The following CBLB variants were observed in gnomAD, a reference collection of about 807,000 sequenced individuals.
CBLB encodes the protein Cbl proto-oncogene B, also known as E3 ubiquitin-protein ligase CBL-B.
A neutral mutation model predicts 104.9 loss-of-function variants in CBLB; 31 were observed. The ratio of observed to expected loss-of-function variants is 0.30; its 90% CI spans 0.22 to 0.40. The LOEUF is 0.40. Ranked by LOEUF, CBLB falls within the 10% of genes least tolerant of loss-of-function variation. CBLB has a pLI of 1.00. For synonymous variants in CBLB, 440 were observed against 422.6 expected, an observed-to-expected ratio of 1.04 and a Z score of -0.51; for missense variants, 1,062 against 1,214.6, an observed-to-expected ratio of 0.87 and a Z score of 1.87.
At chr3:105,866,868 G>A (rs2092456385) in intron 2 of CBLB, among the ~76,000 whole-genome samples, 2 of 152,160 alleles carry the variant, frequency 1.3e-5, no homozygotes, top group African/African-American at 4.8e-5. Flanking sequence ...GTAGATGAAA[G>A]AAACTGTTAA....
At chr3:105,723,961 T>G (rs947027558) in intron 9 of CBLB, 3 of 156,884 alleles carry the variant, frequency 1.9e-5, no homozygotes, top group African/African-American at 7.2e-5. Context: ...ATTTTATATT[T>G]TTACTGTATG....
chr3:105,813,155 C>T (rs2084530530), intron 3 of CBLB, among the ~76,000 whole-genome samples: 1 of 152,064 alleles, frequency 6.6e-6, no homozygotes, highest in Non-Finnish European at 1.5e-5. Flanking sequence ...CATTTCCCTA[C>T]AAGAAGGAAG....
At chr3:105,746,723 A>G (rs954854719) in intron 5 of CBLB, among the ~76,000 whole-genome samples, 73 of 152,180 alleles carry the variant, frequency 4.8e-4, no homozygotes, top group Non-Finnish European at 9.4e-4. Context: ...CAACTGCTTC[A>G]TTTTACACAG....
intron 9 of CBLB, among the ~76,000 whole-genome samples, chr3:105,732,134 T>C (rs1413777009): frequency 1.3e-5 from 2 of 152,234 alleles, no homozygotes; most frequent in Admixed American, 6.5e-5. Context: ...ACACGTATCC[T>C]GAAACACTGA....
chr3:105,756,214 G>C (rs2077067852), intron 4 of CBLB, among the ~76,000 whole-genome samples: 1 of 152,054 alleles, frequency 6.6e-6, no homozygotes, highest in East Asian at 1.9e-4. Flanking sequence ...TTATGACATA[G>C]CTTTATATGT....
intron 3 of CBLB, among the ~76,000 whole-genome samples, chr3:105,845,976 A>G (rs1444303093): frequency 1.3e-5 from 2 of 152,148 alleles, no homozygotes; most frequent in Non-Finnish European, 2.9e-5. Context: ...ATACTTCTAC[A>G]TAAGAGATTG....
Position 105,670,388 on chromosome 3 carries a change from G to T in CBLB, c.2570-36C>A, listed in dbSNP as rs115456352. ...AAAACAAGTTTCAAATTAAAAGGAT[G>T]ATCTCTGTTGATTGGCTGAAGAAAA... On this transcript the variant is annotated intron_variant, in intron 17 of 18. Coordinates refer to ENST00000394030, the MANE Select transcript of CBLB (RefSeq NM_170662.5). 7.4e-4 allele frequency: 1,166 copies of T among 1,569,720 alleles called. 5 individuals are homozygous for T. The African/African-American group carries it at 0.015, about 20-fold the overall frequency.
At chr3:105,717,138 G>A (rs1275155597) in intron 10 of CBLB, among the ~76,000 whole-genome samples, 1 of 151,998 alleles carries the variant, frequency 6.6e-6, no homozygotes, top group East Asian at 1.9e-4. Context: ...AATTCACATA[G>A]GGCAGATACT....
At chr3:105,700,515 G>A (rs1299632984) in intron 12 of CBLB, among the ~76,000 whole-genome samples, 1 of 151,966 alleles carries the variant, frequency 6.6e-6, no homozygotes, top group East Asian at 1.9e-4. Flanking sequence ...TGAATGGCAG[G>A]TCCTTCCAAT....
intron 3 of CBLB, among the ~76,000 whole-genome samples, chr3:105,851,633 G>C (rs2090966495): frequency 1.3e-5 from 2 of 152,144 alleles, no homozygotes; most frequent in Non-Finnish European, 2.9e-5. Context: ...AGATTTATGG[G>C]AACTGTAATT....
intron 3 of CBLB, among the ~76,000 whole-genome samples, chr3:105,829,196 T>C (rs186074007): frequency 1.4e-3 from 208 of 152,314 alleles, no homozygotes; most frequent in Non-Finnish European, 2.2e-3. Flanking sequence ...TCCTAAAATA[T>C]GCCTCCTTTT....
chr3:105,859,637 T>A (rs1407236300), intron 2 of CBLB, among the ~76,000 whole-genome samples: 2 of 125,544 alleles, frequency 1.6e-5, no homozygotes, highest in African/African-American at 6.3e-5. Flanking sequence ...CACTCCAACC[T>A]GGGCCACAGA....
At chr3:105,668,882 T>C (rs2064764601) in intron 18 of CBLB, among the ~76,000 whole-genome samples, 1 of 152,200 alleles carries the variant, frequency 6.6e-6, no homozygotes, top group South Asian at 2.1e-4. Context: ...GCTAATAGTA[T>C]TAGCAAGTCT....
intron 5 of CBLB, among the ~76,000 whole-genome samples, chr3:105,746,541 T>A (rs2076118489): frequency 6.6e-6 from 1 of 152,154 alleles, no homozygotes; most frequent in African/African-American, 2.4e-5. Flanking sequence ...CTCTTCCCCC[T>A]CAGAGACTTT....
intron 3 of CBLB, among the ~76,000 whole-genome samples, chr3:105,780,828 A>G (rs1482433783): frequency 6.6e-6 from 1 of 151,822 alleles, no homozygotes; most frequent in Non-Finnish European, 1.5e-5. Flanking sequence ...ATGCCCAGCT[A>G]ATTTTTTGTA....
chr3:105,761,233 A>G lies in CBLB; in HGVS notation c.567-9615T>C, dbSNP rs149001060. Reference sequence around the variant, plus strand: ...TTTTTTGTAGAGACAGAGTTATGCCATGTTGCCAGGCTGGTCTCGAACTTC... The same window carrying G: ...TTTTTTGTAGAGACAGAGTTATGCCGTGTTGCCAGGCTGGTCTCGAACTTC... On this transcript the variant is annotated intron_variant, in intron 4 of 18. Coordinates refer to ENST00000394030, the MANE Select transcript of CBLB (RefSeq NM_170662.5). Among the ~76,000 whole-genome samples the G allele has an allele frequency of 8.4e-4, 128 of 152,244 alleles. 1 individual carries two copies. The highest frequency in any genetic ancestry group is 3.0e-3 in the African/African-American group (124 of 41,550).
chr3:105,795,105 G>C (rs2082114779), intron 3 of CBLB, among the ~76,000 whole-genome samples: 1 of 152,026 alleles, frequency 6.6e-6, no homozygotes, highest in Admixed American at 6.5e-5. Flanking sequence ...GTAGAGACAG[G>C]GTTTCACCAT....
chr3:105,719,224 A>G (rs923714573), intron 10 of CBLB, among the ~76,000 whole-genome samples: 7 of 152,222 alleles, frequency 4.6e-5, no homozygotes, highest in African/African-American at 1.4e-4. Flanking sequence ...CAGTTTCACC[A>G]TTTCCAAATT....
At chr3:105,831,532 T>TA (rs1166034938) in intron 3 of CBLB, among the ~76,000 whole-genome samples, 1 of 152,196 alleles carries the variant, frequency 6.6e-6, no homozygotes, top group African/African-American at 2.4e-5. Flanking sequence ...AAGTAAAAGC[T>TA]AAAAAATGCT....
Sources: allele counts gnomAD v4.1 joint callset (sites outside exome capture counted in the v4.1 genomes callset), GRCh38; gene constraint gnomAD v4.1.1; transcripts MANE v1.5; gene names NCBI Gene and HGNC (gene_info 2026-07-23, HGNC 2026-07-21).